Variants in GMFG observed in about 807,000 individuals in gnomAD.
The protein encoded by GMFG is glia maturation factor gamma.
GMFG carries 21 observed loss-of-function variants against 26.1 expected under a neutral mutation model. The ratio of observed to expected loss-of-function variants is 0.80; its 90% CI spans 0.57 to 1.16. The LOEUF (loss-of-function observed/expected upper bound fraction) is 1.16, where lower values mean the gene tolerates loss of function less well. Among genes scored for constraint, GMFG ranks in the 50% most tolerant of loss-of-function variants. The pLI is 0.00. For synonymous variants in GMFG, 65 were observed against 60.8 expected, an observed-to-expected ratio of 1.07 and a Z score of -0.32; for missense variants, 161 against 178.3, an observed-to-expected ratio of 0.90 and a Z score of 0.55.
In GMFG at chr19:39,335,572, C is replaced by T. The variant is rs201169514; in HGVS notation, c.4-41G>A. The T allele has an allele frequency of 1.4e-4, 187 of 1,317,566 alleles. No individual in the cohort carries two copies. The East Asian group carries it at 3.4e-3, about 24-fold the overall frequency. The allele number at this position is 1,317,566 out of a possible 1,614,324, so 81.6% of individuals were successfully genotyped here. On this transcript the variant is annotated intron_variant, in intron 1 of 6. Transcript: ENST00000597595. The stretch of plus-strand genomic sequence containing the variant: ...AGGAAGAGCTGAAATGGCCTGGCCT[C>T]AGCCCTCACCCCTTCCCCAAACCTG...
Position 39,335,430 on chromosome 19 carries a change from C to T in GMFG, c.100+5G>A, listed in dbSNP as rs770517815. The T allele has an allele frequency of 2.7e-5, 44 of 1,609,430 alleles. No homozygotes were observed. The highest frequency in any genetic ancestry group is 3.7e-5 in the Non-Finnish European group (44 of 1,175,802). Reference sequence around the variant, plus strand: ...CATCCTTCTGTGGGGGAAGATGTCACTCACTTATGATGGCTGCATTGTCTG... The same window carrying T: ...CATCCTTCTGTGGGGGAAGATGTCATTCACTTATGATGGCTGCATTGTCTG... On this transcript the variant is annotated splice_donor_5th_base_variant and intron_variant, in intron 2 of 6. Transcript: ENST00000597595.
chr19:39,331,117 G>A (rs1373167989), intron 4 of GMFG, among the ~76,000 whole-genome samples: 2 of 152,112 alleles, frequency 1.3e-5, no homozygotes, highest in Non-Finnish European at 2.9e-5. Flanking sequence ...ATGCTCACAG[G>A]AACACCCTGT....
At position 39,329,473 on chromosome 19, in the gene GMFG, C is replaced by T. The variant is rs563848194; in HGVS notation, c.283+71G>A. The T allele has an allele frequency of 3.2e-5, 28 of 882,562 alleles. No individual in the cohort carries two copies. In the East Asian group the frequency reaches 6.2e-4, roughly 20 times the overall value. The allele number at this position is 882,562 out of a possible 1,614,324, so 54.7% of individuals were successfully genotyped here. A position where few individuals can be genotyped will look rare whatever the true frequency, so the allele number is the denominator to read the frequency against. On this transcript the variant is annotated intron_variant, in intron 5 of 6. Transcript: ENST00000597595. ...TCTTACACAAGTGCCTGCACACATT[C>T]GCATTTACACACAAACACACACACA... is the stretch of plus-strand genomic sequence containing the variant.
At position 39,329,530 on chromosome 19, in the gene GMFG, G is replaced by A; in HGVS notation, c.283+14C>T. On this transcript the variant is annotated intron_variant, in intron 5 of 6. Coordinates refer to ENST00000597595, the MANE Select transcript of GMFG (RefSeq NM_004877.4). Reference sequence around the variant, plus strand: ...CGAAGACCCTCTCCTGAGGACAGTAGAGCTGTGTCTCACCCACAGGGCTGG... The same window carrying A: ...CGAAGACCCTCTCCTGAGGACAGTAAAGCTGTGTCTCACCCACAGGGCTGG... 1.3e-6 allele frequency: 2 copies of A among 1,495,738 alleles called. No individual in the cohort carries two copies. Among genetic ancestry groups the A allele is most frequent in the South Asian group, 1.1e-5 (1 of 88,484 alleles). 92.7% of individuals were successfully genotyped at this position (1,495,738 alleles called of 1,614,324 possible).
chr19:39,328,648 G>T (rs2075213377), intron 6 of GMFG, 100 bp from the exon 7 acceptor site: 4 of 828,168 alleles, frequency 4.8e-6, no homozygotes, highest in Middle Eastern at 5.4e-4. Flanking sequence ...GGAGGCTGAG[G>T]TGGGTGGATC....
chr19:39,332,574 C>T (rs1446990636), intron 4 of GMFG, among the ~76,000 whole-genome samples: 2 of 148,114 alleles, frequency 1.4e-5, no homozygotes, highest in African/African-American at 4.9e-5. Context: ...CATAAATAAT[C>T]GGTATAAAAT....
intron 5 of GMFG, 95 bp from the exon 6 acceptor site, chr19:39,329,168 G>T (rs180923512): frequency 3.7e-6 from 3 of 815,410 alleles, no homozygotes; most frequent in Middle Eastern, 3.2e-4. Context: ...GCTTGCCAAG[G>T]GTCCTAGGAG....
intron 3 of GMFG, among the ~76,000 whole-genome samples, chr19:39,333,702 A>G (rs2075236708): frequency 6.6e-6 from 1 of 152,108 alleles, no homozygotes; most frequent in Non-Finnish European, 1.5e-5. Context: ...TCTGTGGGGT[A>G]GGTCCCATCA....
At chr19:39,335,400 C>T in intron 2 of GMFG, 35 bp downstream of exon 2, 2 of 1,585,712 alleles carry the variant, frequency 1.3e-6, no homozygotes, top group Non-Finnish European at 1.7e-6. Context: ...TCACCACCGC[C>T]CTCCCATCCT....
At chr19:39,335,814 C>G (rs1280856305) in intron 1 of GMFG, among the ~76,000 whole-genome samples, 160 bp downstream of exon 1, 1 of 152,106 alleles carries the variant, frequency 6.6e-6, no homozygotes, top group East Asian at 1.9e-4. Flanking sequence ...AAACCCAGAG[C>G]CACTGTCTCT....
intron 3 of GMFG, among the ~76,000 whole-genome samples, chr19:39,333,466 C>A (rs1396068452): frequency 6.7e-6 from 1 of 149,392 alleles, no homozygotes; most frequent in Non-Finnish European, 1.5e-5. Context: ...ATTAGCCAGG[C>A]GTGTTCAGGA....
Position 39,335,318 on chromosome 19 carries a change from G to T in GMFG, c.101-8C>A. ...GGTCTTTGTCCACCTTCACTGGGGA[G>T]GGGTGGCACACAGGGATTAGACACT... On this transcript the variant is annotated splice_region_variant and splice_polypyrimidine_tract_variant and intron_variant, in intron 2 of 6. Transcript: ENST00000597595. 1 of 1,579,006 alleles carries T rather than the reference G, an allele frequency of 6.3e-7. No homozygotes were observed. The highest frequency in any genetic ancestry group is 8.6e-7 in the Non-Finnish European group (1 of 1,160,334).
chr19:39,330,440 G>A (rs34615060), intron 4 of GMFG, among the ~76,000 whole-genome samples: 28,755 of 151,150 alleles, frequency 0.19, 3,967 homozygotes, highest in African/African-American at 0.39. Context: ...TTTTTTTACT[G>A]TTATTAGAGA....
At chr19:39,333,619 T>C (rs990154486) in intron 3 of GMFG, among the ~76,000 whole-genome samples, 30 of 148,140 alleles carry the variant, frequency 2.0e-4, no homozygotes, top group African/African-American at 6.8e-4. Context: ...CACCTTTAGG[T>C]GAGCACTTAC....
chr19:39,333,173 A>C, intron 3 of GMFG, 47 bp from the exon 4 acceptor site: 2 of 1,193,320 alleles, frequency 1.7e-6, no homozygotes, highest in Non-Finnish European at 2.4e-6. Context: ...GGCAGGGCGC[A>C]GTGGCTCACA....
chr19:39,330,155 G>A (rs539974296), intron 4 of GMFG, among the ~76,000 whole-genome samples: 4 of 152,172 alleles, frequency 2.6e-5, no homozygotes, highest in South Asian at 4.2e-4. Context: ...TATCCCCATC[G>A]TACAGATGAG....
chr19:39,329,410 C>A (rs914066819), intron 5 of GMFG, 134 bp downstream of exon 5: 14 of 675,168 alleles, frequency 2.1e-5, no homozygotes, highest in Non-Finnish European at 3.9e-5. Context: ...ACACACACAT[C>A]CTCACCCAGT....
At chr19:39,332,960 A>G in intron 4 of GMFG, 117 bp downstream of exon 4, 2 of 657,436 alleles carry the variant, frequency 3.0e-6, no homozygotes, top group Non-Finnish European at 5.4e-6. Context: ...CACTCGGCCA[A>G]ACACAGAGAT....
Position 39,329,054 on chromosome 19 carries a change from CTGTT to C in GMFG, c.299_302del (p.Gln100ArgfsTer2). On this transcript the variant is annotated frameshift_variant, in exon 6 of 7. Transcript: ENST00000597595. LOFTEE classifies it high-confidence loss of function. ...TGTTTTTACTCCCTGCATACATCATCTGTTGTTCCGGCTTGCAGCCTGCGTGGAA... is the reference window on the plus strand; with the variant it reads ...TGTTTTTACTCCCTGCATACATCATCGTTCCGGCTTGCAGCCTGCGTGGAA... The C allele has an allele frequency of 6.2e-7, 1 of 1,613,594 alleles. No homozygotes were observed. Among genetic ancestry groups the C allele is most frequent in the Admixed American group, 1.7e-5 (1 of 60,022 alleles).
Sources: allele counts gnomAD v4.1 joint callset (sites outside exome capture counted in the v4.1 genomes callset), GRCh38; gene constraint gnomAD v4.1.1; transcripts MANE v1.5; gene names NCBI Gene and HGNC (gene_info 2026-07-23, HGNC 2026-07-21).